The following WDFY2 variants were observed in gnomAD, a reference collection of about 807,000 sequenced individuals.
The protein encoded by WDFY2 is WD repeat and FYVE domain containing 2.
WDFY2 carries 36 observed loss-of-function variants against 56.4 expected under a neutral mutation model. The ratio of observed to expected loss-of-function variants is 0.64; its 90% CI spans 0.49 to 0.84. The LOEUF (loss-of-function observed/expected upper bound fraction) is 0.84. WDFY2 is among the 40% of genes least tolerant of loss of function. The pLI is 0.00. For missense variants in WDFY2, 444 were observed against 512.2 expected, an observed-to-expected ratio of 0.87 and a Z score of 1.29; for synonymous variants, 176 against 183.7, an observed-to-expected ratio of 0.96 and a Z score of 0.34.
chr13:51,737,795 G>A (rs1472989768), intron 6 of WDFY2, among the ~76,000 whole-genome samples: 1 of 152,130 alleles, frequency 6.6e-6, no homozygotes. Context: ...GAATGTTGGT[G>A]GTCGGGGGTG....
At chr13:51,735,873 T>A (rs1178449605) in intron 6 of WDFY2, among the ~76,000 whole-genome samples, 1 of 152,190 alleles carries the variant, frequency 6.6e-6, no homozygotes, top group Non-Finnish European at 1.5e-5. Context: ...TCTCTTCCAC[T>A]TTGGGCCCTG....
At chr13:51,736,472 G>A (rs1457118242) in intron 6 of WDFY2, among the ~76,000 whole-genome samples, 3 of 152,098 alleles carry the variant, frequency 2.0e-5, no homozygotes, top group Non-Finnish European at 4.4e-5. Flanking sequence ...CAGAGAGCTG[G>A]CTCCTCATGG....
chr13:51,683,692 G>A (rs146067642), intron 3 of WDFY2, among the ~76,000 whole-genome samples: 1 of 152,292 alleles, frequency 6.6e-6, no homozygotes, highest in Non-Finnish European at 1.5e-5. Flanking sequence ...CTGTGGTTGC[G>A]GAACTGCTGT....
At chr13:51,597,587 T>C (rs777002786) in intron 1 of WDFY2, among the ~76,000 whole-genome samples, 1 of 152,206 alleles carries the variant, frequency 6.6e-6, no homozygotes, top group Non-Finnish European at 1.5e-5. Context: ...AGTTCATGCT[T>C]ATGTATGTGG....
chr13:51,660,928 C>T (rs1368653913), intron 2 of WDFY2, among the ~76,000 whole-genome samples: 1 of 152,166 alleles, frequency 6.6e-6, no homozygotes, highest in Non-Finnish European at 1.5e-5. Context: ...CAGCAGTCTC[C>T]CTCTCTTTTC....
intron 3 of WDFY2, among the ~76,000 whole-genome samples, chr13:51,681,616 C>T (rs996444634): frequency 3.3e-5 from 5 of 151,998 alleles, no homozygotes; most frequent in African/African-American, 9.7e-5. Flanking sequence ...TTTTATACAG[C>T]GTTAAGTAGA....
rs561443353 is a variant in WDFY2, at chr13:51,675,483, G to A, written c.279+240G>A. ...ACCCTATACAGAGTGGCTAGAATGG[G>A]GGCAATCGGAGGCCAATGAGTAAAC... On this transcript the variant is annotated intron_variant, in intron 3 of 11. Transcript: ENST00000298125. Among the ~76,000 whole-genome samples the A allele has an allele frequency of 2.6e-5, 4 of 152,240 alleles. No homozygotes were observed. The East Asian group carries it at 7.7e-4, about 29-fold the overall frequency.
At chr13:51,711,860 A>C (rs568268924) in intron 4 of WDFY2, among the ~76,000 whole-genome samples, 1 of 152,218 alleles carries the variant, frequency 6.6e-6, no homozygotes, top group Admixed American at 6.5e-5. Context: ...AACTAGTTCA[A>C]CCATTGTGGA....
intron 3 of WDFY2, among the ~76,000 whole-genome samples, chr13:51,697,232 A>G (rs974525563): frequency 3.9e-5 from 6 of 152,216 alleles, no homozygotes; most frequent in African/African-American, 1.2e-4. Context: ...CTTTATGTCA[A>G]TAGTTTTGTT....
chr13:51,630,572 C>G (rs1262260262), intron 1 of WDFY2, among the ~76,000 whole-genome samples: 3 of 151,696 alleles, frequency 2.0e-5, no homozygotes, highest in Non-Finnish European at 4.4e-5. Flanking sequence ...CACACATTGC[C>G]TCATTTAATA....
intron 1 of WDFY2, among the ~76,000 whole-genome samples, chr13:51,621,118 A>G (rs970869269): frequency 1.3e-5 from 2 of 152,168 alleles, no homozygotes; most frequent in East Asian, 3.8e-4. Context: ...CCCTTCCTGC[A>G]TTTCTGCTGT....
intron 1 of WDFY2, among the ~76,000 whole-genome samples, chr13:51,656,505 T>C (rs1449800195): frequency 6.6e-6 from 1 of 152,062 alleles, no homozygotes; most frequent in Non-Finnish European, 1.5e-5. Context: ...TCATTAGATC[T>C]AGTTGGTTTG....
At chr13:51,743,010 T>TA (rs2138697173) in intron 7 of WDFY2, among the ~76,000 whole-genome samples, 1 of 152,294 alleles carries the variant, frequency 6.6e-6, no homozygotes, top group East Asian at 1.9e-4. Context: ...TTGAAAGTTA[T>TA]AAAAGGAGTA....
intron 1 of WDFY2, among the ~76,000 whole-genome samples, chr13:51,638,286 C>A (rs1955090029): frequency 6.6e-6 from 1 of 152,102 alleles, no homozygotes; most frequent in Admixed American, 6.5e-5. Context: ...AGGAGACCAG[C>A]TAGTATGCTC....
chr13:51,653,822 G>A (rs1955453820), intron 1 of WDFY2, among the ~76,000 whole-genome samples: 1 of 152,216 alleles, frequency 6.6e-6, no homozygotes, highest in South Asian at 2.1e-4. Flanking sequence ...CCCTACTGGG[G>A]GGTGCCTCCC....
intron 3 of WDFY2, among the ~76,000 whole-genome samples, chr13:51,695,131 C>T (rs1360582154): frequency 1.3e-5 from 2 of 152,222 alleles, no homozygotes; most frequent in Non-Finnish European, 2.9e-5. Flanking sequence ...GCTTGAATTT[C>T]CTCCTGTAGC....
intron 1 of WDFY2, among the ~76,000 whole-genome samples, chr13:51,602,630 C>T (rs1419929583): frequency 6.6e-6 from 1 of 152,236 alleles, no homozygotes; most frequent in Non-Finnish European, 1.5e-5. Flanking sequence ...TTCAGCTTCA[C>T]ATCTGCTTAT....
At chr13:51,722,229 C>G (rs1441932895) in intron 5 of WDFY2, among the ~76,000 whole-genome samples, 2 of 152,032 alleles carry the variant, frequency 1.3e-5, no homozygotes, top group Non-Finnish European at 2.9e-5. Context: ...GTCATTCAGC[C>G]AAGGCAACAA....
chr13:51,689,691 G>C (rs1956119264), intron 3 of WDFY2, among the ~76,000 whole-genome samples: 1 of 152,126 alleles, frequency 6.6e-6, no homozygotes. Flanking sequence ...AGAGGAAAAA[G>C]GCACGTACCC....
Sources: gnomAD v4.1 joint callset for allele counts (sites outside exome capture counted in the v4.1 genomes callset) on GRCh38, gnomAD v4.1.1 for gene constraint, MANE v1.5 for transcripts, NCBI Gene and HGNC (gene_info 2026-07-23, HGNC 2026-07-21) for gene names.